The following MPP7 variants were observed in gnomAD, a reference collection of about 807,000 sequenced individuals.
MPP7 encodes MAGUK p55 scaffold protein 7.
MPP7 carries 60 observed loss-of-function variants against 76.5 expected under a neutral mutation model. The ratio of observed to expected loss-of-function variants is 0.78; its 90% CI spans 0.64 to 0.97. The LOEUF (loss-of-function observed/expected upper bound fraction) is 0.97, where lower values mean the gene tolerates loss of function less well. Among genes scored for constraint, MPP7 ranks in the 50% least tolerant of loss-of-function variants. The probability of loss-of-function intolerance (pLI) is 0.00; values close to 1 mark genes in which losing one functional copy is unlikely to be tolerated. For synonymous variants in MPP7, 237 were observed against 244.5 expected, an observed-to-expected ratio of 0.97 and a Z score of 0.29; for missense variants, 641 against 694.0, an observed-to-expected ratio of 0.92 and a Z score of 0.86.
In MPP7 at chr10:28,051,389, G is replaced by C. The variant is rs1851353992; in HGVS notation, c.*2676C>G. 6.6e-6 allele frequency: 1 copy of C among 152,054 alleles called. No individual in the cohort carries two copies. The highest frequency in any genetic ancestry group is 2.1e-4 in the South Asian group (1 of 4,820). The allele number at this position is 152,054 out of a possible 1,614,324, so 9.4% of individuals were successfully genotyped here. A position where few individuals can be genotyped will look rare whatever the true frequency, so the allele number is the denominator to read the frequency against. ...GGAAGGTCAGCCTTAAAGATACCAA[G>C]AACTTCCATATTGGTCAGTAAAATA... On this transcript the variant is annotated 3_prime_UTR_variant, in exon 17 of 17. Transcript: ENST00000683449.
chr10:28,325,732 G>C (rs1834406096), intron 2 of MPP7, among the ~76,000 whole-genome samples: 1 of 151,708 alleles, frequency 6.6e-6, no homozygotes, highest in Non-Finnish European at 1.5e-5. Context: ...GGCCTCAAAT[G>C]ATCCACCTGA....
chr10:28,141,946 C>A (rs1165343992), intron 5 of MPP7, among the ~76,000 whole-genome samples: 2 of 151,822 alleles, frequency 1.3e-5, no homozygotes, highest in African/African-American at 4.8e-5. Context: ...AAAGATAAAT[C>A]AAATTGTGAG....
At chr10:28,160,676 T>C (rs1333255677) in intron 3 of MPP7, among the ~76,000 whole-genome samples, 1 of 152,204 alleles carries the variant, frequency 6.6e-6, no homozygotes. Context: ...CTAACATTTC[T>C]TTGTGGCTGC....
chr10:28,264,599 T>A (rs1840087317), intron 1 of MPP7, among the ~76,000 whole-genome samples: 1 of 150,214 alleles, frequency 6.7e-6, no homozygotes, highest in African/African-American at 2.5e-5. Flanking sequence ...AAATAAAATA[T>A]AATCTCAAAC....
intron 2 of MPP7, among the ~76,000 whole-genome samples, chr10:28,218,857 G>A (rs909765874): frequency 4.1e-4 from 62 of 152,260 alleles, no homozygotes; most frequent in African/African-American, 1.4e-3. Context: ...ACCTAGGGCC[G>A]ATTAGAATCT....
At chr10:28,265,864 CA>C (rs1406594731) in intron 1 of MPP7, among the ~76,000 whole-genome samples, 1 of 151,922 alleles carries the variant, frequency 6.6e-6, no homozygotes, top group African/African-American at 2.4e-5. Flanking sequence ...TTTTTAAGAG[CA>C]AAAAAACTAC....
chr10:28,077,082 C>CA (rs10577715), intron 12 of MPP7, among the ~76,000 whole-genome samples: 8,040 of 107,028 alleles, frequency 0.075, 636 homozygotes, highest in African/African-American at 0.19. Flanking sequence ...TCTCTAACTA[C>CA]AAAAAAAAAA....
chr10:28,076,238 G>A (rs898770585), intron 12 of MPP7, among the ~76,000 whole-genome samples: 5 of 152,134 alleles, frequency 3.3e-5, no homozygotes, highest in Admixed American at 2.6e-4. Context: ...GACAGGGCTA[G>A]GGTTCCATTG....
chr10:28,253,454 A>C (rs1410579100), intron 1 of MPP7, among the ~76,000 whole-genome samples: 1 of 152,246 alleles, frequency 6.6e-6, no homozygotes, highest in Non-Finnish European at 1.5e-5. Flanking sequence ...AACCAGGGCC[A>C]CACTCCAGGT....
intron 1 of MPP7, among the ~76,000 whole-genome samples, chr10:28,274,283 T>C (rs956970174): frequency 3.3e-5 from 5 of 151,562 alleles, no homozygotes; most frequent in African/African-American, 9.7e-5. Context: ...TTTGTATTTT[T>C]AGTAGAGACG....
intron 1 of MPP7, among the ~76,000 whole-genome samples, chr10:28,240,042 G>A (rs1839213550): frequency 3.3e-5 from 5 of 152,066 alleles, no homozygotes; most frequent in Admixed American, 3.3e-4. Flanking sequence ...AACACCTAGA[G>A]GGAGGCCATC....
chr10:28,213,809 AAGAGAGAGAGAG>A lies in MPP7; in HGVS notation c.38-11550_38-11539del, dbSNP rs1211589640. ...TCTGTCTCAAAAAAAAAAAAAAAAA[AAGAGAGAGAGAG>A]AGAGAGAGAAGGTTGGTCAGAGCCT... On this transcript the variant is annotated intron_variant, in intron 2 of 16. Coordinates refer to ENST00000683449, the MANE Select transcript of MPP7 (RefSeq NM_001318170.2). 2.2e-5 allele frequency among the ~76,000 whole-genome samples: 3 copies of A among 136,530 alleles called. No homozygotes were observed. In the East Asian group the frequency reaches 6.1e-4, roughly 28 times the overall value. 89.6% of individuals were successfully genotyped at this position (136,530 alleles called of 152,430 possible).
chr10:28,247,449 T>G (rs951777676), intron 1 of MPP7, among the ~76,000 whole-genome samples: 1 of 152,214 alleles, frequency 6.6e-6, no homozygotes, highest in Admixed American at 6.5e-5. Context: ...TCATGTATAT[T>G]TATGTATGTA....
At chr10:28,332,246 C>CGT (rs4018712) in intron 1 of MPP7, among the ~76,000 whole-genome samples, 36,293 of 146,722 alleles carry the variant, frequency 0.25, 4,657 homozygotes, top group Non-Finnish European at 0.3. Flanking sequence ...CAAATGTATG[C>CGT]GTGTGTGTGT....
chr10:28,151,295 T>C (rs1423837942), intron 3 of MPP7, among the ~76,000 whole-genome samples: 1 of 152,214 alleles, frequency 6.6e-6, no homozygotes, highest in African/African-American at 2.4e-5. Flanking sequence ...ATCTTGGAAA[T>C]TTTAAAGATG....
chr10:28,053,859 C>T lies in MPP7; in HGVS notation c.*206G>A. On this transcript the variant is annotated 3_prime_UTR_variant, in exon 17 of 17. Transcript: ENST00000683449. ...TTGAGGTTTTGCTTAGAATACAGTA[C>T]TGTGCATATTTTGATTTCGGATCTT... 5.1e-6 allele frequency: 3 copies of T among 590,778 alleles called. No individual in the cohort carries two copies. Among genetic ancestry groups the T allele is most frequent in the Non-Finnish European group, 8.9e-6 (3 of 336,164 alleles). 36.6% of individuals were successfully genotyped at this position (590,778 alleles called of 1,614,324 possible).
At chr10:28,260,746 T>C (rs1839921767) in intron 1 of MPP7, among the ~76,000 whole-genome samples, 1 of 131,382 alleles carries the variant, frequency 7.6e-6, no homozygotes, top group Non-Finnish European at 1.5e-5. Context: ...CACTCCAGCT[T>C]GGGTAACAGA....
intron 13 of MPP7, among the ~76,000 whole-genome samples, chr10:28,067,721 G>A (rs902222642): frequency 3.9e-5 from 6 of 152,120 alleles, no homozygotes; most frequent in African/African-American, 1.4e-4. Flanking sequence ...CTCTCATAGG[G>A]AGTTACATGG....
At chr10:28,150,760 T>A (rs1835858220) in intron 3 of MPP7, among the ~76,000 whole-genome samples, 1 of 152,040 alleles carries the variant, frequency 6.6e-6, no homozygotes, top group Non-Finnish European at 1.5e-5. Flanking sequence ...TAATAAATTT[T>A]AAAAAATTTA....
Sources: gnomAD v4.1 joint callset for allele counts (sites outside exome capture counted in the v4.1 genomes callset) on GRCh38, gnomAD v4.1.1 for gene constraint, MANE v1.5 for transcripts, NCBI Gene and HGNC (gene_info 2026-07-23, HGNC 2026-07-21) for gene names.